Variants in MCC observed in about 807,000 individuals in gnomAD.
MCC encodes the protein MCC regulator of Wnt signaling pathway, also known as colorectal mutant cancer protein.
In MCC, 90 loss-of-function variants were observed where a neutral mutation model predicts 116.2. That is an observed-to-expected ratio of 0.77 (90% CI 0.65 to 0.92). The LOEUF (loss-of-function observed/expected upper bound fraction) is 0.92, where lower values mean the gene tolerates loss of function less well. MCC is among the 40% of genes least tolerant of loss of function. The pLI is 0.00. For synonymous variants in MCC, 578 were observed against 510.5 expected, an observed-to-expected ratio of 1.13 and a Z score of -1.78; for missense variants, 1,516 against 1,312.2, an observed-to-expected ratio of 1.16 and a Z score of -2.40.
chr5:113,101,485 C>T (rs1418115362), intron 8 of MCC: 2 of 502,974 alleles, frequency 4.0e-6, no homozygotes, highest in African/African-American at 3.9e-5. Flanking sequence ...AGAATCACTG[C>T]CCCGATGTAA....
intron 3 of MCC, among the ~76,000 whole-genome samples, chr5:113,329,383 TACACAC>T (rs3068955): frequency 6.7e-6 from 1 of 150,144 alleles, no homozygotes; most frequent in African/African-American, 2.5e-5. Context: ...ACTATATATA[TACACAC>T]ACACACACAC....
chr5:113,426,164 C>T (rs2040217807), intron 1 of MCC, among the ~76,000 whole-genome samples: 1 of 152,030 alleles, frequency 6.6e-6, no homozygotes, highest in Non-Finnish European at 1.5e-5. Flanking sequence ...TGTCTGGATG[C>T]CAATGCAAGC....
At chr5:113,229,784 A>G (rs530723562) in intron 3 of MCC, among the ~76,000 whole-genome samples, 1 of 152,244 alleles carries the variant, frequency 6.6e-6, no homozygotes, top group East Asian at 1.9e-4. Flanking sequence ...TACAGTACTC[A>G]GTACTCAGTA....
chr5:113,477,713 G>T (rs1772271129), intron 1 of MCC, among the ~76,000 whole-genome samples: 2 of 152,152 alleles, frequency 1.3e-5, no homozygotes, highest in South Asian at 4.1e-4. Context: ...CCAGAGATGT[G>T]AAGAGTAGGC....
intron 3 of MCC, among the ~76,000 whole-genome samples, chr5:113,303,027 A>G (rs1241813932): frequency 6.6e-6 from 1 of 152,192 alleles, no homozygotes; most frequent in African/African-American, 2.4e-5. Context: ...GTAATGAGAG[A>G]AAGATAGGAA....
At chr5:113,315,646 T>C (rs750782561) in intron 3 of MCC, among the ~76,000 whole-genome samples, 28 of 145,480 alleles carry the variant, frequency 1.9e-4, no homozygotes, top group Non-Finnish European at 3.4e-4. Flanking sequence ...AGGAGGAGGA[T>C]TGCTTGAGCC....
In MCC at chr5:113,204,080, A is replaced by G. The variant is rs78956640; in HGVS notation, c.628-52658T>C. Among the ~76,000 whole-genome samples the G allele has an allele frequency of 3.2e-3, 484 of 152,288 alleles. 3 individuals are homozygous for G. The highest frequency in any genetic ancestry group is 3.8e-3 in the Non-Finnish European group (261 of 68,024). ...CAGCCTTTCTGGGCAGCTGAGATGAATAAGAGGAATGAGTATAAAGCCTAC... is the reference window on the plus strand; with the variant it reads ...CAGCCTTTCTGGGCAGCTGAGATGAGTAAGAGGAATGAGTATAAAGCCTAC... On this transcript the variant is annotated intron_variant, in intron 3 of 18. Coordinates refer to ENST00000408903, the MANE Select transcript of MCC (RefSeq NM_001085377.2).
intron 17 of MCC, among the ~76,000 whole-genome samples, chr5:113,039,960 G>C (rs1751587265): frequency 6.6e-6 from 1 of 151,986 alleles, no homozygotes; most frequent in African/African-American, 2.4e-5. Flanking sequence ...CCAAGGGTGA[G>C]AGACAGATCT....
At chr5:113,136,629 A>C (rs559754460) in intron 5 of MCC, among the ~76,000 whole-genome samples, 1 of 152,298 alleles carries the variant, frequency 6.6e-6, no homozygotes, top group South Asian at 2.1e-4. Context: ...AATGGAATTG[A>C]CTTATTTGAT....
At chr5:113,445,793 G>T (rs1580385174) in intron 1 of MCC, among the ~76,000 whole-genome samples, 1 of 152,180 alleles carries the variant, frequency 6.6e-6, no homozygotes, top group African/African-American at 2.4e-5. Flanking sequence ...CATAGCCAAA[G>T]CATTCCTAAG....
chr5:113,151,635 G>C (rs1759883667), intron 3 of MCC, among the ~76,000 whole-genome samples: 1 of 152,206 alleles, frequency 6.6e-6, no homozygotes, highest in Non-Finnish European at 1.5e-5. Flanking sequence ...TAAATATTAT[G>C]TGTGGGACAT....
Position 113,434,367 on chromosome 5 carries a change from G to A in MCC, c.171-49155C>T. The A allele has an allele frequency of 1.9e-6, 3 of 1,613,940 alleles. No homozygotes were observed. Among genetic ancestry groups the A allele is most frequent in the Non-Finnish European group, 2.5e-6 (3 of 1,179,976 alleles). On this transcript the variant is annotated intron_variant, in intron 1 of 18. Coordinates refer to ENST00000408903, the MANE Select transcript of MCC (RefSeq NM_001085377.2). This position sits in a 1 kb window ranked among gnomAD's most constrained non-coding sequence, Gnocchi z 4.2. ...ACTGTCATCCCGCAGGCAGCGCTTGGAGAAGCTGAAGTCGGACAGCTTGAT... is the reference window on the plus strand; with the variant it reads ...ACTGTCATCCCGCAGGCAGCGCTTGAAGAAGCTGAAGTCGGACAGCTTGAT...
chr5:113,186,343 A>AC (rs1490308288), intron 3 of MCC, among the ~76,000 whole-genome samples: 1 of 151,986 alleles, frequency 6.6e-6, no homozygotes, highest in Non-Finnish European at 1.5e-5. Flanking sequence ...TCTCCCTTAC[A>AC]CCCCCTCATT....
In MCC at chr5:113,028,983, G is replaced by A. The variant is rs1157838544; in HGVS notation, c.2830C>T (p.Arg944Ter). ...LERLTKSSEI[R>*]HQQSAEFVND... is the part of the protein sequence containing the mutation. ...ACGAACTCTGCAGATTGCTGATGTCGGATTTCACTGCTCTTGGTGAGTCTC... is the reference window on the plus strand; with the variant it reads ...ACGAACTCTGCAGATTGCTGATGTCAGATTTCACTGCTCTTGGTGAGTCTC... Residue 944 changes from arginine (R) to a stop codon, truncating the protein, a stop_gained, in exon 18 of 19, where the codon CGA becomes TGA. Transcript: ENST00000408903. LOFTEE classifies it high-confidence loss of function. 7.4e-6 allele frequency: 12 copies of A among 1,613,924 alleles called. No homozygotes were observed. Among genetic ancestry groups the A allele is most frequent in the South Asian group, 1.1e-5 (1 of 91,042 alleles).
chr5:113,389,246 C>T (rs776348368), intron 1 of MCC, among the ~76,000 whole-genome samples: 1 of 152,124 alleles, frequency 6.6e-6, no homozygotes, highest in African/African-American at 2.4e-5. Flanking sequence ...TTACAAATGG[C>T]CTTCAATGAC....
At chr5:113,085,634 C>G (rs1015787058) in intron 8 of MCC, among the ~76,000 whole-genome samples, 3 of 152,196 alleles carry the variant, frequency 2.0e-5, no homozygotes, top group African/African-American at 7.2e-5. Flanking sequence ...TCTTCACAAG[C>G]ATGAGGTGAA....
intron 3 of MCC, among the ~76,000 whole-genome samples, chr5:113,310,744 T>G (rs887925719): frequency 1.3e-5 from 2 of 152,210 alleles, no homozygotes; most frequent in African/African-American, 4.8e-5. Context: ...TTGGGAGAAT[T>G]TGGGAATTTG....
At position 113,379,576 on chromosome 5, in the gene MCC, A is replaced by G. The variant is rs1045439379; in HGVS notation, c.415+5392T>C. Among the ~76,000 whole-genome samples the G allele has an allele frequency of 3.9e-5, 6 of 152,344 alleles. No individual in the cohort carries two copies. In the South Asian group the frequency reaches 1.2e-3, roughly 32 times the overall value. On this transcript the variant is annotated intron_variant, in intron 2 of 18. Transcript: ENST00000408903. ...GGATCTATCTTTCTAGCATTATAAT[A>G]CAAGTAAAGTGCCTAGCAAATTGTC... is the stretch of plus-strand genomic sequence containing the variant.
In MCC at chr5:113,085,193, T is replaced by C. The variant is rs745769018; in HGVS notation, c.1516A>G (p.Ser506Gly). 7.4e-6 allele frequency: 12 copies of C among 1,614,226 alleles called. No individual in the cohort carries two copies. Among genetic ancestry groups the C allele is most frequent in the Non-Finnish European group, 1.0e-5 (12 of 1,180,046 alleles). The part of the protein sequence containing the change: ...NPSTGELSTS[S>G]SSNDIPIAKI... ...GCGATGGGAATGTCATTGCTGCTGC[T>C]GCTTGTGCTCAGCTCCCCAGTGCTG... The change falls in exon 9 of 19, where the codon AGC becomes GGC. Residue 506 changes from serine to glycine, a missense_variant. Coordinates refer to ENST00000408903, the MANE Select transcript of MCC (RefSeq NM_001085377.2).
Sources: allele counts gnomAD v4.1 joint callset (sites outside exome capture counted in the v4.1 genomes callset), GRCh38; gene constraint gnomAD v4.1.1; non-coding constraint Gnocchi (gnomAD v3.1); transcripts MANE v1.5; gene names NCBI Gene and HGNC (gene_info 2026-07-23, HGNC 2026-07-21).